HEG1: variants seen among roughly 807,000 people sequenced by gnomAD.
HEG1 encodes the protein heart development protein with EGF like domains 1, also known as protein HEG homolog 1.
In HEG1, 56 loss-of-function variants were observed where a neutral mutation model predicts 125.6. That is an observed-to-expected ratio of 0.45 (90% confidence interval 0.36 to 0.56). HEG1 has a LOEUF of 0.56. HEG1 is among the 20% of genes least tolerant of loss of function. The pLI is 0.00. For missense variants in HEG1, 1,523 were observed against 1,670.0 expected (o/e 0.91, Z 1.53); for synonymous variants, 644 against 668.5 (o/e 0.96, Z 0.57).
intron 1 of HEG1, among the ~76,000 whole-genome samples, chr3:125,050,881 G>A (rs1937790889): frequency 6.6e-6 from 1 of 152,220 alleles, no homozygotes; most frequent in Non-Finnish European, 1.5e-5. Flanking sequence ...CTTTGTTTCT[G>A]TCTATGCCTG....
intron 1 of HEG1, among the ~76,000 whole-genome samples, chr3:125,041,958 C>G (rs535481543): frequency 6.6e-6 from 1 of 152,162 alleles, no homozygotes; most frequent in African/African-American, 2.4e-5. Flanking sequence ...CAGGGAGGAA[C>G]AAGAAGTTAT....
chr3:125,049,120 G>T (rs1297648213), intron 1 of HEG1, among the ~76,000 whole-genome samples: 1 of 152,104 alleles, frequency 6.6e-6, no homozygotes, highest in Non-Finnish European at 1.5e-5. Context: ...TGCACTTTTA[G>T]GAGTCCCACT....
In HEG1 at chr3:125,010,523, T is replaced by G; in HGVS notation, c.2989A>C (p.Asn997His). 6.4e-7 allele frequency: 1 copy of G among 1,559,414 alleles called. No homozygotes were observed. The highest frequency in any genetic ancestry group is 1.2e-5 in the South Asian group (1 of 84,362). ...GTGTTGTCTGCGACGCATTCGCCATTGTGAAGACAAGGGTTCACAGCACAG... is the reference window on the plus strand; with the variant it reads ...GTGTTGTCTGCGACGCATTCGCCATGGTGAAGACAAGGGTTCACAGCACAG... ...NSCAVNPCLH[N>H]GECVADNTSR... Residue 997 changes from asparagine (N) to histidine (H), a missense_variant, in exon 7 of 17, where the codon AAT becomes CAT. Physicochemically the swap from Asn to His is moderately conservative, Grantham distance 68 (BLOSUM62 1). Transcript: ENST00000311127.
chr3:124,978,063 C>T (rs369048889), intron 14 of HEG1, 117 bp from the exon 15 acceptor site: 22 of 663,162 alleles, frequency 3.3e-5, no homozygotes, highest in Non-Finnish European at 4.4e-5. Context: ...GGGGTGCCCT[C>T]GCCTACAACT....
At chr3:124,990,865 A>C in intron 13 of HEG1, 41 bp from the exon 14 acceptor site, 2 of 1,556,768 alleles carry the variant, frequency 1.3e-6, no homozygotes, top group South Asian at 1.2e-5. Context: ...ATTAGTTTCC[A>C]ATCTCAAAAG....
At position 125,010,559 on chromosome 3, in the gene HEG1, C is replaced by T; in HGVS notation, c.2957-4G>A. On this transcript the variant is annotated splice_region_variant and splice_polypyrimidine_tract_variant and intron_variant, in intron 6 of 16. Coordinates refer to ENST00000311127, the MANE Select transcript of HEG1 (RefSeq NM_020733.2). ...GGGTTCACAGCACAGCTGTTGACTA[C>T]AAACACATTCCAGGAGTAAAGCAGT... The T allele has an allele frequency of 6.5e-7, 1 of 1,533,056 alleles. No homozygotes were observed. Among genetic ancestry groups the T allele is most frequent in the Non-Finnish European group, 8.8e-7 (1 of 1,131,222 alleles). The allele number at this position is 1,533,056 out of a possible 1,614,324, so 95.0% of individuals were successfully genotyped here.
chr3:125,044,223 C>T (rs1303766753), intron 1 of HEG1, among the ~76,000 whole-genome samples: 1 of 152,188 alleles, frequency 6.6e-6, no homozygotes, highest in African/African-American at 2.4e-5. Flanking sequence ...GTAAAGTCTG[C>T]TAATGCGTTT....
At chr3:124,970,875 G>A in intron 16 of HEG1, 74 bp from the exon 17 acceptor site, 1 of 1,242,346 alleles carries the variant, frequency 8.0e-7, no homozygotes, top group Non-Finnish European at 1.1e-6. Context: ...AAATCCCAAT[G>A]ATTTTAGACC....
intron 1 of HEG1, among the ~76,000 whole-genome samples, chr3:125,038,905 T>A (rs868806604): frequency 2.0e-5 from 3 of 152,140 alleles, no homozygotes; most frequent in African/African-American, 7.2e-5. Context: ...CAGACATTCA[T>A]GGGGTGGGAG....
At chr3:125,037,296 C>A (rs200588306) in intron 1 of HEG1, among the ~76,000 whole-genome samples, 1 of 152,184 alleles carries the variant, frequency 6.6e-6, no homozygotes, top group Admixed American at 6.5e-5. Context: ...CCCAGGTCTA[C>A]GGACCTGGAG....
At chr3:124,994,474 GAC>G (rs1936884336) in intron 12 of HEG1, among the ~76,000 whole-genome samples, 1 of 151,616 alleles carries the variant, frequency 6.6e-6, no homozygotes, top group African/African-American at 2.4e-5. Context: ...AAGTCTTCTG[GAC>G]TTAAAAATAG....
chr3:125,019,897 G>A (rs184378644), intron 4 of HEG1, among the ~76,000 whole-genome samples: 155 of 152,276 alleles, frequency 1.0e-3, no homozygotes, highest in Non-Finnish European at 2.0e-3. Flanking sequence ...AAAAGTGTTC[G>A]AGAGAGTGAG....
Position 124,985,791 on chromosome 3 carries a change from A to T in HEG1, c.3733+4996T>A, listed in dbSNP as rs186875329. On this transcript the variant is annotated intron_variant, in intron 14 of 16. Transcript: ENST00000311127. ...GCCCTTTCCAGATATTTATTCGTTT[A>T]TTTTTTGAGACAGTCTTGCTCTGTC... is the stretch of plus-strand genomic sequence containing the variant. Among the ~76,000 whole-genome samples the T allele has an allele frequency of 4.2e-3, 641 of 152,162 alleles. 1 individual carries two copies. Among genetic ancestry groups the T allele is most frequent in the Middle Eastern group, 0.014 (4 of 294 alleles).
intron 1 of HEG1, among the ~76,000 whole-genome samples, chr3:125,034,118 G>T (rs1245020030): frequency 1.9e-5 from 1 of 54,026 alleles, no homozygotes; most frequent in East Asian, 4.7e-4. Context: ...GTGCCTCCAG[G>T]TACCTGTATT....
chr3:124,970,573 C>G lies in HEG1; in HGVS notation c.*79G>C, dbSNP rs1375210349. 7.4e-7 allele frequency: 1 copy of G among 1,346,734 alleles called. No individual in the cohort carries two copies. Among genetic ancestry groups the G allele is most frequent in the Admixed American group, 2.2e-5 (1 of 44,896 alleles). 83.4% of individuals were successfully genotyped at this position (1,346,734 alleles called of 1,614,324 possible). ...AGCGTGGCTCCCGACAAATCCTGGGCGCAGCCTCCTGGTGCGGTCCTCTGA... is the reference window on the plus strand; with the variant it reads ...AGCGTGGCTCCCGACAAATCCTGGGGGCAGCCTCCTGGTGCGGTCCTCTGA... On this transcript the variant is annotated 3_prime_UTR_variant, in exon 17 of 17. Transcript: ENST00000311127.
At chr3:125,053,929 C>T (rs1444688929) in intron 1 of HEG1, among the ~76,000 whole-genome samples, 1 of 152,230 alleles carries the variant, frequency 6.6e-6, no homozygotes, top group Non-Finnish European at 1.5e-5. Context: ...GTGCCTGCCC[C>T]ATCCAGCCAG....
At position 124,997,818 on chromosome 3, in the gene HEG1, T is replaced by G; in HGVS notation, c.3523A>C (p.Ser1175Arg). The G allele has an allele frequency of 6.4e-7, 1 of 1,571,066 alleles. No homozygotes were observed. The highest frequency in any genetic ancestry group is 8.7e-7 in the Non-Finnish European group (1 of 1,153,574). The change falls in exon 12 of 17, where the codon AGC (serine) becomes CGC (arginine). Residue 1175 changes from serine (S) to arginine (R), a missense_variant. Ser to Arg is a moderately radical substitution (Grantham distance 110). Coordinates refer to ENST00000311127, the MANE Select transcript of HEG1 (RefSeq NM_020733.2). ...TCGGGACTCTTCCGCTTGCACAAGCTGCCCGCTGGAATGGAAAAACAAGAC... is the reference window on the plus strand; with the variant it reads ...TCGGGACTCTTCCGCTTGCACAAGCGGCCCGCTGGAATGGAAAAACAAGAC... ...GSQRRIFRAGSLCKRKSPECD... is the reference protein window; with the variant it reads ...GSQRRIFRAGRLCKRKSPECD...
intron 5 of HEG1, among the ~76,000 whole-genome samples, chr3:125,018,007 C>A (rs1422262594): frequency 2.7e-5 from 4 of 149,706 alleles, no homozygotes; most frequent in Non-Finnish European, 5.9e-5. Flanking sequence ...CTAGCCTGGG[C>A]AACAGAGAGA....
chr3:125,046,813 A>G (rs1319763358), intron 1 of HEG1, among the ~76,000 whole-genome samples: 2 of 152,232 alleles, frequency 1.3e-5, no homozygotes, highest in East Asian at 3.8e-4. Flanking sequence ...GGTGGCTCTC[A>G]ACTCCTTCAA....
Sources: gnomAD v4.1 joint callset for allele counts (sites outside exome capture counted in the v4.1 genomes callset) on GRCh38, gnomAD v4.1.1 for gene constraint, MANE v1.5 for transcripts, NCBI Gene and HGNC (gene_info 2026-07-23, HGNC 2026-07-21) for gene names.